Variants in SLC52A3 observed in about 807,000 individuals in gnomAD.
The protein encoded by SLC52A3 is solute carrier family 52 member 3.
SLC52A3 carries 20 observed loss-of-function variants against 29.5 expected under a neutral mutation model. The observed-to-expected ratio is 0.68, with a 90% CI of 0.48 to 0.99. The LOEUF (loss-of-function observed/expected upper bound fraction) is 0.99, where lower values mean the gene tolerates loss of function less well. SLC52A3 is among the 50% of genes least tolerant of loss of function. The pLI is 0.00. For synonymous variants in SLC52A3, 301 were observed against 271.0 expected (o/e 1.11, Z -1.09); for missense variants, 548 against 612.9 (o/e 0.89, Z 1.12).
At chr20:766,416 G>T (rs559034665) in intron 1 of SLC52A3, 4 of 153,486 alleles carry the variant, frequency 2.6e-5, no homozygotes, top group Admixed American at 1.9e-4. Flanking sequence ...CAGACAAAGG[G>T]CTCATCTTCC....
upstream of SLC52A3, among the ~76,000 whole-genome samples, chr20:772,051 C>A (rs573128442): frequency 2.6e-5 from 4 of 152,310 alleles, no homozygotes; most frequent in Admixed American, 2.0e-4. Context: ...GTGACCTTTG[C>A]CATATGAAAA....
chr20:779,624 A>G (rs1810534131), upstream of SLC52A3, among the ~76,000 whole-genome samples: 1 of 152,240 alleles, frequency 6.6e-6, no homozygotes, highest in Non-Finnish European at 1.5e-5. Context: ...CATCTAAAGA[A>G]AACAAAAACA....
At chr20:764,110 A>T in intron 2 of SLC52A3, 107 bp from the exon 3 acceptor site, 1 of 1,154,182 alleles carries the variant, frequency 8.7e-7, no homozygotes, top group South Asian at 1.6e-5. Context: ...ATTAATGGAT[A>T]ATGAATAAAT....
chr20:760,921 A>T lies in SLC52A3; in HGVS notation c.*105T>A. 8.4e-7 allele frequency: 1 copy of T among 1,193,152 alleles called. No individual in the cohort carries two copies. Among genetic ancestry groups the T allele is most frequent in the Non-Finnish European group, 1.2e-6 (1 of 839,864 alleles). The allele number at this position is 1,193,152 out of a possible 1,614,324, so 73.9% of individuals were successfully genotyped here. On this transcript the variant is annotated 3_prime_UTR_variant, in exon 5 of 5. Transcript: ENST00000645534. The surrounding 1 kb of genome is among the most constrained non-coding windows in gnomAD (Gnocchi z 4.9). ...CAGTGGGCACTTGCGTTCATGATTC[A>T]ATTACTCAGGCTCTGTCTCTCTGTT...
At chr20:761,373 C>T in intron 4 of SLC52A3, 135 bp from the exon 5 acceptor site, 6 of 1,066,970 alleles carry the variant, frequency 5.6e-6, no homozygotes, top group Non-Finnish European at 7.9e-6. Flanking sequence ...GGGAGTGAGC[C>T]TGCGGGGCCG....
rs148387972 is a variant in SLC52A3, at chr20:765,717, T to G, written c.58A>C (p.Ile20Leu). ...CVFGMGSWVTINGLWVELPLL... is the reference protein window; with the variant it reads ...CVFGMGSWVTLNGLWVELPLL... ...GGCAGCTCTACCCAGAGCCCATTGA[T>G]GGTCACCCAGGAGCCCATTCCGAAG... The change falls in exon 2 of 5, where the codon ATC becomes CTC. Residue 20 changes from isoleucine to leucine, a missense_variant. Coordinates refer to ENST00000645534, the MANE Select transcript of SLC52A3 (RefSeq NM_033409.4). This position sits in a 1 kb window ranked among gnomAD's most constrained non-coding sequence, Gnocchi z 6.6. 407 of 1,613,634 alleles carry G rather than the reference T, an allele frequency of 2.5e-4. No individual in the cohort carries two copies. Among genetic ancestry groups the G allele is most frequent in the Admixed American group, 8.8e-4 (53 of 59,994 alleles).
intron 1 of SLC52A3, among the ~76,000 whole-genome samples, chr20:767,422 C>G (rs1986720141): frequency 6.6e-6 from 1 of 151,702 alleles, no homozygotes; most frequent in Admixed American, 6.6e-5. Context: ...GTGGCACAAT[C>G]TCAGCTCACT....
At position 765,325 on chromosome 20, in the gene SLC52A3, G is replaced by C; in HGVS notation, c.450C>G (p.Leu150=). ...TFFVGEGLSG[L]LPALVALAQG... ...GGGCAAGAGCCACCAGGGCGGGCAA[G>C]AGGCCGCTGAGTCCTTCACCCACAA... Residue 150 remains leucine (L), a synonymous_variant, in exon 2 of 5, where the codon CTC becomes CTG. Transcript: ENST00000645534. This position sits in a 1 kb window ranked among gnomAD's most constrained non-coding sequence, Gnocchi z 6.6. 5.0e-6 allele frequency: 8 copies of C among 1,614,140 alleles called. No individual in the cohort carries two copies. The highest frequency in any genetic ancestry group is 6.8e-6 in the Non-Finnish European group (8 of 1,180,002).
upstream of SLC52A3, among the ~76,000 whole-genome samples, chr20:770,191 G>A (rs999391022): frequency 1.4e-5 from 2 of 147,044 alleles, no homozygotes; most frequent in African/African-American, 5.0e-5. This position sits in a 1 kb window ranked among gnomAD's most constrained non-coding sequence, Gnocchi z 4.5. Context: ...GAGTCTTACT[G>A]TGTAGCCCAG....
In SLC52A3 at chr20:765,892, G is replaced by T; in HGVS notation, c.-51-67C>A. The T allele has an allele frequency of 4.0e-6, 4 of 1,009,224 alleles. No homozygotes were observed. Among genetic ancestry groups the T allele is most frequent in the Non-Finnish European group, 6.0e-6 (4 of 665,742 alleles). The allele number at this position is 1,009,224 out of a possible 1,614,324, so 62.5% of individuals were successfully genotyped here. On this transcript the variant is annotated intron_variant, in intron 1 of 4. Transcript: ENST00000645534. This position sits in a 1 kb window ranked among gnomAD's most constrained non-coding sequence, Gnocchi z 6.6. ...ACCTAGCAAGATGCTGGGACCTGGG[G>T]CCCAGAGTTTTCTCTTATTACTCCC...
chr20:770,430 T>A (rs894788377), upstream of SLC52A3, among the ~76,000 whole-genome samples: 1 of 152,212 alleles, frequency 6.6e-6, no homozygotes, highest in Non-Finnish European at 1.5e-5. The surrounding 1 kb of genome is among the most constrained non-coding windows in gnomAD (Gnocchi z 4.5). Flanking sequence ...AGTGCTGGGA[T>A]TGCAGGCGTG....
rs752307092 is a variant in SLC52A3, at chr20:768,460, C to CT, written c.-216dup. 6.6e-6 allele frequency: 1 copy of CT among 152,230 alleles called. No individual in the cohort carries two copies. The highest frequency in any genetic ancestry group is 1.5e-5 in the Non-Finnish European group (1 of 68,074). 9.4% of individuals were successfully genotyped at this position (152,230 alleles called of 1,614,324 possible). ...GGGACTCCTCAGTTCACGCTGCAGT[C>CT]TTTAACTCCATACTTCTTCCTTCTA... On this transcript the variant is annotated 5_prime_UTR_variant, in exon 1 of 5. An upstream open reading frame in the 5' UTR loses its in-frame stop. Transcript: ENST00000645534.
rs1455654064 is a variant in SLC52A3, at chr20:765,644, A to G, written c.131T>C (p.Leu44Pro). The change falls in exon 2 of 5, where the codon CTC becomes CCC. Residue 44 changes from leucine (L) to proline (P), a missense_variant. Physicochemically the swap from Leu to Pro is moderately conservative, Grantham distance 98 (BLOSUM62 -3). Coordinates refer to ENST00000645534, the MANE Select transcript of SLC52A3 (RefSeq NM_033409.4). This position sits in a 1 kb window ranked among gnomAD's most constrained non-coding sequence, Gnocchi z 6.6. ...LPEGWYLPSYLTVVIQLANIG... is the reference protein window; with the variant it reads ...LPEGWYLPSYPTVVIQLANIG... ...GTTGGCCAGCTGGATGACCACCGTG[A>G]GGTAGGAGGGCAGGTACCAGCCCTC... is the stretch of plus-strand genomic sequence containing the variant. 6.2e-7 allele frequency: 1 copy of G among 1,610,880 alleles called. No individual in the cohort carries two copies. The highest frequency in any genetic ancestry group is 8.5e-7 in the Non-Finnish European group (1 of 1,179,010).
chr20:775,949 A>T (rs1373540091), intron 1 of SLC52A3: 1 of 152,672 alleles, frequency 6.5e-6, no homozygotes, highest in Non-Finnish European at 1.5e-5. Context: ...CGCTTTGCCC[A>T]CTTACCTGCT....
upstream of SLC52A3, among the ~76,000 whole-genome samples, chr20:772,966 G>C (rs1032128020): frequency 6.6e-6 from 1 of 152,228 alleles, no homozygotes; most frequent in Non-Finnish European, 1.5e-5. Flanking sequence ...GCTGTTCAAA[G>C]GACAGCTAGG....
upstream of SLC52A3, among the ~76,000 whole-genome samples, chr20:772,177 T>A (rs1209845607): frequency 6.6e-6 from 1 of 152,214 alleles, no homozygotes; most frequent in African/African-American, 2.4e-5. Context: ...CACTTTCTTG[T>A]ATGTTCGACA....
At chr20:773,851 A>C (rs1986924529) in intron 1 of SLC52A3, among the ~76,000 whole-genome samples, 1 of 152,170 alleles carries the variant, frequency 6.6e-6, no homozygotes, top group Admixed American at 6.5e-5. Context: ...GGTTCTGACC[A>C]GGGCCAGTGC....
At chr20:761,540 C>A in intron 4 of SLC52A3, 161 bp downstream of exon 4, 1 of 1,086,174 alleles carries the variant, frequency 9.2e-7, no homozygotes, top group South Asian at 1.5e-5. Flanking sequence ...TTCCCTAAGC[C>A]TCCACTCCCA....
chr20:769,425 C>T (rs902589921), upstream of SLC52A3, among the ~76,000 whole-genome samples: 1 of 152,198 alleles, frequency 6.6e-6, no homozygotes, highest in Non-Finnish European at 1.5e-5. Context: ...GTGACCTAAC[C>T]TCCTGTGCTT....
Sources: allele counts gnomAD v4.1 joint callset (sites outside exome capture counted in the v4.1 genomes callset), GRCh38; gene constraint gnomAD v4.1.1; non-coding constraint Gnocchi (gnomAD v3.1); transcripts MANE v1.5; gene names NCBI Gene and HGNC (gene_info 2026-07-23, HGNC 2026-07-21).